The following COMMD1 variants were observed in gnomAD, a reference collection of about 807,000 sequenced individuals.
COMMD1 encodes COMM domain-containing protein 1.
COMMD1 carries 10 observed loss-of-function variants against 17.2 expected under a neutral mutation model. The observed-to-expected ratio is 0.58, with a 90% CI of 0.36 to 0.99. The LOEUF (loss-of-function observed/expected upper bound fraction) is 0.99. Ranked by LOEUF, COMMD1 falls within the 50% of genes least tolerant of loss-of-function variation. COMMD1 has a pLI of 0.01. For synonymous variants in COMMD1, 97 were observed against 91.6 expected, an observed-to-expected ratio of 1.06 and a Z score of -0.34; for missense variants, 270 against 231.8, an observed-to-expected ratio of 1.17 and a Z score of -1.07.
At chr2:61,970,153 G>T (rs1671609256) in intron 1 of COMMD1, among the ~76,000 whole-genome samples, 1 of 151,774 alleles carries the variant, frequency 6.6e-6, no homozygotes, top group African/African-American at 2.4e-5. Context: ...AGCTACTTGG[G>T]AGACTGAGGC....
rs191389593 is a variant in COMMD1 at position 61,961,955 on chromosome 2, C to T, written c.181-38746C>T. 4.4e-3 allele frequency among the ~76,000 whole-genome samples: 663 copies of T among 152,214 alleles called. 2 individuals are homozygous for T. Among genetic ancestry groups the T allele is most frequent in the Non-Finnish European group, 5.8e-3 (395 of 68,004 alleles). On this transcript the variant is annotated intron_variant, in intron 1 of 2. Coordinates refer to ENST00000311832, the MANE Select transcript of COMMD1 (RefSeq NM_152516.4). The stretch of plus-strand genomic sequence containing the variant: ...AGGTCATATTTTGAATTTTAAAAAA[C>T]TCCCTGAATTGTTTGTTCCTGTAAA...
At chr2:61,948,843 C>A (rs2103660214) in intron 1 of COMMD1, among the ~76,000 whole-genome samples, 1 of 152,292 alleles carries the variant, frequency 6.6e-6, no homozygotes, top group East Asian at 1.9e-4. Flanking sequence ...CCCTGAGTCC[C>A]CTTCAAGATC....
upstream of COMMD1, chr2:61,888,708 C>T (rs1354206919): frequency 1.7e-5 from 10 of 579,278 alleles, no homozygotes; most frequent in East Asian, 9.9e-5. Context: ...CTGTCCGCTG[C>T]GCGCCGGGCG....
intron 1 of COMMD1, among the ~76,000 whole-genome samples, chr2:61,906,596 G>T (rs1158868844): frequency 1.3e-5 from 2 of 150,508 alleles, no homozygotes; most frequent in East Asian, 3.9e-4. Flanking sequence ...CCATCATATT[G>T]GACAACTCTA....
intron 2 of COMMD1, among the ~76,000 whole-genome samples, chr2:62,129,102 A>T (rs991439262): frequency 6.6e-6 from 1 of 152,138 alleles, no homozygotes; most frequent in Non-Finnish European, 1.5e-5. Flanking sequence ...TGGAGTTTGT[A>T]TTTGGTGATT....
intron 1 of COMMD1, among the ~76,000 whole-genome samples, chr2:61,989,161 G>A (rs1672180864): frequency 6.6e-6 from 1 of 152,148 alleles, no homozygotes; most frequent in African/African-American, 2.4e-5. Context: ...GTCATATTTG[G>A]TGTTCTGACA....
intron 1 of COMMD1, among the ~76,000 whole-genome samples, chr2:61,933,071 G>T (rs975796572): frequency 1.3e-5 from 2 of 152,126 alleles, no homozygotes; most frequent in Non-Finnish European, 2.9e-5. Context: ...GGGATGGGGA[G>T]TTGGAAAGGG....
At chr2:62,123,784 C>A (rs2104081884) in intron 2 of COMMD1, among the ~76,000 whole-genome samples, 1 of 152,014 alleles carries the variant, frequency 6.6e-6, no homozygotes, top group East Asian at 1.9e-4. Context: ...AGGCAGACTA[C>A]ATGGTTCATT....
intron 1 of COMMD1, among the ~76,000 whole-genome samples, chr2:61,889,765 G>A (rs6748477): frequency 0.98 from 148,884 of 152,126 alleles, 72,864 homozygotes; most frequent in East Asian, 1. Context: ...AGTTACCACC[G>A]CCCGCTTGTT....
At chr2:61,927,633 C>T (rs1281472859) in intron 1 of COMMD1, among the ~76,000 whole-genome samples, 3 of 152,100 alleles carry the variant, frequency 2.0e-5, no homozygotes, top group Non-Finnish European at 2.9e-5. Context: ...CTCCTGACCT[C>T]GTGATCCACC....
chr2:61,957,477 G>A (rs532332755), intron 1 of COMMD1, among the ~76,000 whole-genome samples: 2 of 152,014 alleles, frequency 1.3e-5, no homozygotes, highest in Admixed American at 6.6e-5. Context: ...GTGGTTTTCT[G>A]TTTTTTGCCA....
chr2:61,993,005 A>G (rs1672289876), intron 1 of COMMD1, among the ~76,000 whole-genome samples: 1 of 152,114 alleles, frequency 6.6e-6, no homozygotes, highest in Non-Finnish European at 1.5e-5. Context: ...TACTTGTACT[A>G]CTACTACTGC....
intron 1 of COMMD1, among the ~76,000 whole-genome samples, chr2:61,977,831 A>T (rs1339698384): frequency 6.6e-6 from 1 of 151,706 alleles, no homozygotes; most frequent in Non-Finnish European, 1.5e-5. Context: ...TACTAAAAAT[A>T]CAAAAATTAG....
intron 1 of COMMD1, among the ~76,000 whole-genome samples, chr2:61,921,915 A>G (rs1367496409): frequency 6.6e-6 from 1 of 151,722 alleles, no homozygotes; most frequent in Non-Finnish European, 1.5e-5. Context: ...TTAACTTTAC[A>G]GTTATTCTTG....
At chr2:62,006,094 G>A (rs990883168) in intron 2 of COMMD1, among the ~76,000 whole-genome samples, 12 of 148,202 alleles carry the variant, frequency 8.1e-5, no homozygotes, top group Non-Finnish European at 1.3e-4. Context: ...CTATCGCAAG[G>A]ACAAAAAACC....
chr2:61,969,895 G>GT (rs558613281), intron 1 of COMMD1, among the ~76,000 whole-genome samples: 1 of 151,648 alleles, frequency 6.6e-6, no homozygotes, highest in Non-Finnish European at 1.5e-5. Context: ...CCAGCAATAT[G>GT]TTTTTTTTCT....
intron 2 of COMMD1, among the ~76,000 whole-genome samples, chr2:62,091,617 T>A (rs1424325423): frequency 6.6e-6 from 1 of 152,202 alleles, no homozygotes; most frequent in Non-Finnish European, 1.5e-5. Flanking sequence ...ATTTGTGCTG[T>A]CAGGGACCTC....
At chr2:62,074,694 T>G (rs1339427031) in intron 2 of COMMD1, among the ~76,000 whole-genome samples, 1 of 152,158 alleles carries the variant, frequency 6.6e-6, no homozygotes, top group Non-Finnish European at 1.5e-5. Context: ...AAACAAAAAC[T>G]AAGTGGTAAA....
At chr2:62,127,959 T>C (rs1379778333) in intron 2 of COMMD1, among the ~76,000 whole-genome samples, 2 of 146,976 alleles carry the variant, frequency 1.4e-5, no homozygotes, top group African/African-American at 5.1e-5. Context: ...GAGACAGAGG[T>C]TGCAGTGAGC....
Sources: gnomAD v4.1 joint callset for allele counts (sites outside exome capture counted in the v4.1 genomes callset) on GRCh38, gnomAD v4.1.1 for gene constraint, MANE v1.5 for transcripts, NCBI Gene and HGNC (gene_info 2026-07-23, HGNC 2026-07-21) for gene names.